The following INPP4B variants were observed in gnomAD, a reference collection of about 807,000 sequenced individuals.
INPP4B encodes inositol polyphosphate 4-phosphatase type II.
A neutral mutation model predicts 122.5 loss-of-function variants in INPP4B; 55 were observed. The ratio of observed to expected loss-of-function variants is 0.45; its 90% CI spans 0.36 to 0.56. INPP4B has a LOEUF of 0.56. INPP4B is among the 20% of genes least tolerant of loss of function. The pLI, the probability that INPP4B is intolerant of heterozygous loss-of-function variation, is 0.00. For missense variants in INPP4B, 1,000 were observed against 1,097.7 expected, an observed-to-expected ratio of 0.91 and a Z score of 1.26; for synonymous variants, 403 against 388.7, an observed-to-expected ratio of 1.04 and a Z score of -0.43.
chr4:142,429,478 C>T (rs960728752), intron 4 of INPP4B, among the ~76,000 whole-genome samples: 1 of 151,946 alleles, frequency 6.6e-6, no homozygotes, highest in African/African-American at 2.4e-5. Context: ...TTTTTGTAAG[C>T]CATGGCAAAC....
chr4:142,186,606 A>T (rs1379714156), intron 15 of INPP4B, among the ~76,000 whole-genome samples: 2 of 152,240 alleles, frequency 1.3e-5, no homozygotes, highest in African/African-American at 4.8e-5. Context: ...AATAGATTAA[A>T]CTGCTCAGAT....
chr4:142,432,310 A>C (rs937312508), intron 3 of INPP4B, among the ~76,000 whole-genome samples: 3 of 152,110 alleles, frequency 2.0e-5, no homozygotes, highest in Non-Finnish European at 4.4e-5. Flanking sequence ...CAAACTTCAC[A>C]AACCAACAGC....
At chr4:142,843,439 G>A (rs1318934744) in intron 1 of INPP4B, among the ~76,000 whole-genome samples, 1 of 151,826 alleles carries the variant, frequency 6.6e-6, no homozygotes, top group Non-Finnish European at 1.5e-5. Context: ...TACAGGACAT[G>A]TTGAAAAACT....
rs138008512 is a variant in INPP4B at position 142,784,408 on chromosome 4, T to A, written c.-253-58507A>T. On this transcript the variant is annotated intron_variant, in intron 1 of 25. Coordinates refer to ENST00000262992, the MANE Select transcript of INPP4B (RefSeq NM_001101669.3). ...ATAAATAAATAAATAAATAAATAAATAAAAATTAAAATCAAGGACTTTTTT... is the reference window on the plus strand; with the variant it reads ...ATAAATAAATAAATAAATAAATAAAAAAAAATTAAAATCAAGGACTTTTTT... 4.8e-3 allele frequency among the ~76,000 whole-genome samples: 639 copies of A among 133,446 alleles called. 3 individuals are homozygous for A. The highest frequency in any genetic ancestry group is 6.5e-3 in the Non-Finnish European group (389 of 60,244). The allele number at this position is 133,446 out of a possible 152,430, so 87.5% of individuals were successfully genotyped here.
intron 3 of INPP4B, among the ~76,000 whole-genome samples, chr4:142,443,002 G>C (rs899719507): frequency 1.3e-5 from 2 of 152,088 alleles, no homozygotes; most frequent in African/African-American, 4.8e-5. Context: ...TCACTACCAT[G>C]GGAACAGTAT....
intron 7 of INPP4B, among the ~76,000 whole-genome samples, chr4:142,330,557 G>A (rs1215594390): frequency 4.6e-5 from 7 of 151,752 alleles, no homozygotes; most frequent in Admixed American, 2.6e-4. Flanking sequence ...ACACGCGCAC[G>A]CACACACACA....
chr4:142,128,878 C>T (rs1799929507), intron 18 of INPP4B, among the ~76,000 whole-genome samples: 1 of 152,106 alleles, frequency 6.6e-6, no homozygotes, highest in Non-Finnish European at 1.5e-5. Flanking sequence ...AATAAAAGAG[C>T]CAAATATCAA....
rs779581746 is a variant in INPP4B at position 142,556,877 on chromosome 4, C to T, written c.-190-94151G>A. Among the ~76,000 whole-genome samples, 4 of 152,230 alleles carry T rather than the reference C, an allele frequency of 2.6e-5. No homozygotes were observed. In the South Asian group the frequency reaches 8.3e-4, roughly 32 times the overall value. On this transcript the variant is annotated intron_variant, in intron 2 of 25. Coordinates refer to ENST00000262992, the MANE Select transcript of INPP4B (RefSeq NM_001101669.3). ...ATCTAAGCTGATACCTAGGAAACCT[C>T]GCTATCTCCTCATATATTCAGTCAG...
intron 3 of INPP4B, among the ~76,000 whole-genome samples, chr4:142,437,597 C>T (rs1810820814): frequency 1.3e-5 from 2 of 152,014 alleles, no homozygotes; most frequent in African/African-American, 4.8e-5. Context: ...AGACTGGGGG[C>T]CAATATTCAA....
chr4:142,830,827 A>C (rs1782024782), intron 1 of INPP4B, among the ~76,000 whole-genome samples: 1 of 146,820 alleles, frequency 6.8e-6, no homozygotes, highest in African/African-American at 2.6e-5. Flanking sequence ...TAGCCTACAC[A>C]ACATAGCAAA....
intron 2 of INPP4B, among the ~76,000 whole-genome samples, chr4:142,619,835 T>C (rs2150367608): frequency 6.6e-6 from 1 of 151,982 alleles, no homozygotes; most frequent in Non-Finnish European, 1.5e-5. Flanking sequence ...CAGGAGTGGA[T>C]AAGAAAGGAA....
intron 9 of INPP4B, among the ~76,000 whole-genome samples, chr4:142,290,848 T>C (rs1756151723): frequency 1.3e-5 from 2 of 152,148 alleles, no homozygotes; most frequent in Non-Finnish European, 2.9e-5. Context: ...TTTCAAAGAA[T>C]GTAGGGGCTA....
chr4:142,728,764 G>C (rs1358003344), intron 1 of INPP4B, among the ~76,000 whole-genome samples: 8 of 152,162 alleles, frequency 5.3e-5, no homozygotes, highest in African/African-American at 1.9e-4. Context: ...CCTCCGGAGA[G>C]AGCAGGGCCC....
intron 1 of INPP4B, among the ~76,000 whole-genome samples, chr4:142,780,977 C>T (rs1293540871): frequency 2.0e-5 from 3 of 152,020 alleles, no homozygotes; most frequent in Admixed American, 6.6e-5. Flanking sequence ...TATCTCAAGA[C>T]CTTAGACGCG....
At chr4:142,135,868 C>T (rs555092964) in intron 18 of INPP4B, among the ~76,000 whole-genome samples, 96 of 152,258 alleles carry the variant, frequency 6.3e-4, no homozygotes, top group Non-Finnish European at 1.3e-3. Flanking sequence ...GCGATCTCCG[C>T]TCACTGCTAG....
At chr4:142,806,836 AAAG>A (rs1244935046) in intron 1 of INPP4B, among the ~76,000 whole-genome samples, 1 of 150,106 alleles carries the variant, frequency 6.7e-6, no homozygotes, top group African/African-American at 2.5e-5. Context: ...AGAAAGAAAG[AAAG>A]AAAGAAAGAA....
chr4:142,638,845 C>T (rs549156216), intron 2 of INPP4B, among the ~76,000 whole-genome samples: 1 of 152,256 alleles, frequency 6.6e-6, no homozygotes, highest in East Asian at 1.9e-4. Flanking sequence ...CATGCCCGGC[C>T]TAGTTGTCTA....
chr4:142,545,121 A>G (rs940172631), intron 2 of INPP4B, among the ~76,000 whole-genome samples: 8 of 152,176 alleles, frequency 5.3e-5, no homozygotes, highest in African/African-American at 1.9e-4. Flanking sequence ...ATCTGTGTTA[A>G]TGTTCCAAGA....
intron 7 of INPP4B, among the ~76,000 whole-genome samples, chr4:142,316,829 G>A (rs1159952889): frequency 6.6e-6 from 1 of 152,082 alleles, no homozygotes. Flanking sequence ...TGGTACATAG[G>A]TTATAACAGT....
Sources: allele counts gnomAD v4.1 joint callset (sites outside exome capture counted in the v4.1 genomes callset), GRCh38; gene constraint gnomAD v4.1.1; transcripts MANE v1.5; gene names NCBI Gene and HGNC (gene_info 2026-07-23, HGNC 2026-07-21).